Variants in PTPRN2 observed in about 807,000 individuals in gnomAD.
PTPRN2 encodes the protein protein tyrosine phosphatase receptor type N2.
A neutral mutation model predicts 118.8 loss-of-function variants in PTPRN2; 74 were observed. The ratio of observed to expected loss-of-function variants is 0.62; its 90% confidence interval spans 0.52 to 0.76. The LOEUF (loss-of-function observed/expected upper bound fraction) is 0.76, where lower values mean the gene tolerates loss of function less well. Among genes scored for constraint, PTPRN2 ranks in the 30% least tolerant of loss-of-function variants. The pLI is 0.00. For missense variants in PTPRN2, 1,481 were observed against 1,394.4 expected (o/e 1.06, Z -0.99); for synonymous variants, 641 against 608.0 (o/e 1.05, Z -0.80).
At chr7:158,188,217 A>T (rs1563576492) in intron 5 of PTPRN2, among the ~76,000 whole-genome samples, 1 of 27,654 alleles carries the variant, frequency 3.6e-5, no homozygotes, top group Non-Finnish European at 9.6e-5. Context: ...TCGCCGCCTG[A>T]TGGGGAAGGC....
chr7:158,146,577 C>T (rs1015740923), intron 6 of PTPRN2, among the ~76,000 whole-genome samples: 6 of 151,412 alleles, frequency 4.0e-5, no homozygotes, highest in Non-Finnish European at 8.8e-5. Flanking sequence ...AAAAATTAGC[C>T]AGGCGTGGTG....
rs761094792 is a variant in PTPRN2 at position 157,585,120 on chromosome 7, C to T, written c.2497-6980G>A. 2.0e-5 allele frequency among the ~76,000 whole-genome samples: 3 copies of T among 152,160 alleles called. No individual in the cohort carries two copies. The highest frequency in any genetic ancestry group is 2.9e-5 in the Non-Finnish European group (2 of 68,034). On this transcript the variant is annotated intron_variant, in intron 17 of 22. Coordinates refer to ENST00000389418, the MANE Select transcript of PTPRN2 (RefSeq NM_002847.5). This position sits in a 1 kb window ranked among gnomAD's most constrained non-coding sequence, Gnocchi z 5.2. ...GATGAGGTGACGTAGCCCACACACA[C>T]GTCAGCAGTGCTGATGGAAAGGCTG...
intron 5 of PTPRN2, among the ~76,000 whole-genome samples, chr7:158,174,520 CCATCCACAGCAG>C (rs1252605605): frequency 7.2e-5 from 11 of 152,074 alleles, no homozygotes; most frequent in African/African-American, 2.7e-4. Context: ...ATCATCCACA[CCATCCACAGCAG>C]CATCCACACC....
At chr7:158,245,209 C>T (rs1468863006) in intron 3 of PTPRN2, among the ~76,000 whole-genome samples, 1 of 48,162 alleles carries the variant, frequency 2.1e-5, no homozygotes, top group Admixed American at 1.8e-4. Flanking sequence ...CTGGAATCCA[C>T]GGTCATGCCG....
At position 157,944,703 on chromosome 7, in the gene PTPRN2, A is replaced by T. The variant is rs192984016; in HGVS notation, c.1724-45966T>A. 2.3e-3 allele frequency among the ~76,000 whole-genome samples: 349 copies of T among 152,336 alleles called. 3 individuals carry two copies. The highest frequency in any genetic ancestry group is 7.1e-4 in the Non-Finnish European group (48 of 68,026). The stretch of plus-strand genomic sequence containing the variant: ...GGGAGTTGTTTTTAGTCACCAGGCC[A>T]GTGACCACTGTCCAGCAGGTCCACG... On this transcript the variant is annotated intron_variant, in intron 11 of 22. Transcript: ENST00000389418. The surrounding 1 kb of genome is among the most constrained non-coding windows in gnomAD (Gnocchi z 4.3).
At chr7:157,961,029 C>A (rs907039510) in intron 11 of PTPRN2, among the ~76,000 whole-genome samples, 13 of 151,566 alleles carry the variant, frequency 8.6e-5, no homozygotes, top group Non-Finnish European at 1.5e-4. Flanking sequence ...AAAACAAAAC[C>A]AAAACAAAAC....
At chr7:157,592,385 G>C (rs1050894085) in intron 17 of PTPRN2, among the ~76,000 whole-genome samples, 1 of 152,256 alleles carries the variant, frequency 6.6e-6, no homozygotes, top group African/African-American at 2.4e-5. Flanking sequence ...CTTCATGTAG[G>C]ACCCAGCACC....
In PTPRN2 at chr7:157,797,734, C is replaced by T. The variant is rs118101351; in HGVS notation, c.1788+100939G>A. Among the ~76,000 whole-genome samples, 1,184 of 152,312 alleles carry T rather than the reference C, an allele frequency of 7.8e-3. 40 individuals carry two copies. The South Asian group carries it at 0.1, about 13-fold the overall frequency. On this transcript the variant is annotated intron_variant, in intron 12 of 22. Coordinates refer to ENST00000389418, the MANE Select transcript of PTPRN2 (RefSeq NM_002847.5). Reference sequence around the variant, plus strand: ...GCCCTGAGACCATGGTGAGGGGCTGCGTTGGGCCAGGCTGGGTGTGCACCT... The same window carrying T: ...GCCCTGAGACCATGGTGAGGGGCTGTGTTGGGCCAGGCTGGGTGTGCACCT...
intron 3 of PTPRN2, among the ~76,000 whole-genome samples, chr7:158,300,356 G>A (rs775597954): frequency 1.3e-5 from 2 of 152,172 alleles, no homozygotes; most frequent in African/African-American, 4.8e-5. Context: ...TGGAAGGTGG[G>A]CAGCCTCACG....
intron 12 of PTPRN2, among the ~76,000 whole-genome samples, chr7:157,748,705 G>C (rs1180976262): frequency 1.5e-4 from 17 of 115,242 alleles, no homozygotes; most frequent in East Asian, 8.5e-4. Flanking sequence ...GTGGGCTGTT[G>C]AGGTGATTCT....
chr7:158,354,731 T>C (rs1808256234), intron 2 of PTPRN2, among the ~76,000 whole-genome samples: 1 of 152,050 alleles, frequency 6.6e-6, no homozygotes, highest in Non-Finnish European at 1.5e-5. Flanking sequence ...AAGAGGGAGC[T>C]GAGTGAGAAC....
At chr7:158,043,872 A>G (rs1808652297) in intron 11 of PTPRN2, among the ~76,000 whole-genome samples, 1 of 152,222 alleles carries the variant, frequency 6.6e-6, no homozygotes, top group Non-Finnish European at 1.5e-5. Flanking sequence ...TTGGCTCAGC[A>G]TTTAGCAATT....
At chr7:158,228,590 T>C (rs1188108596) in intron 3 of PTPRN2, among the ~76,000 whole-genome samples, 1 of 151,082 alleles carries the variant, frequency 6.6e-6, no homozygotes, top group African/African-American at 2.4e-5. Flanking sequence ...ATCCCAGCAA[T>C]GGCCACACAC....
intron 12 of PTPRN2, among the ~76,000 whole-genome samples, chr7:157,773,165 G>A (rs1040561888): frequency 5.3e-5 from 8 of 152,278 alleles, no homozygotes; most frequent in East Asian, 1.9e-4. Context: ...CTAGGCACTC[G>A]CAGCAGACGG....
At chr7:158,515,830 T>G (rs1200178005) in intron 1 of PTPRN2, among the ~76,000 whole-genome samples, 1 of 152,206 alleles carries the variant, frequency 6.6e-6, no homozygotes, top group Admixed American at 6.5e-5. Context: ...CTTCATCCTC[T>G]GTCTGGTCGT....
At chr7:157,641,535 AACC>A (rs1383529137) in intron 14 of PTPRN2, among the ~76,000 whole-genome samples, 41 of 152,316 alleles carry the variant, frequency 2.7e-4, no homozygotes, top group African/African-American at 9.6e-4. Flanking sequence ...TGAGTTTTGT[AACC>A]AGCCATATTT....
chr7:157,587,711 C>A lies in PTPRN2; in HGVS notation c.2496+7527G>T, dbSNP rs573746861. 9.8e-5 allele frequency among the ~76,000 whole-genome samples: 15 copies of A among 152,342 alleles called. No homozygotes were observed. The highest frequency in any genetic ancestry group is 2.1e-4 in the Non-Finnish European group (14 of 68,026). On this transcript the variant is annotated intron_variant, in intron 17 of 22. Transcript: ENST00000389418. This position sits in a 1 kb window ranked among gnomAD's most constrained non-coding sequence, Gnocchi z 5.3. ...GAGCGCTTTGTGCTCTCTCTGGGGGCCAGGAGAGCTGTTTCGTGTCTGACT... is the reference window on the plus strand; with the variant it reads ...GAGCGCTTTGTGCTCTCTCTGGGGGACAGGAGAGCTGTTTCGTGTCTGACT...
chr7:157,844,515 G>T (rs184203518), intron 12 of PTPRN2, among the ~76,000 whole-genome samples: 8 of 152,324 alleles, frequency 5.3e-5, no homozygotes, highest in Admixed American at 4.6e-4. Context: ...CCAGGTGAGG[G>T]CCAGGAGGAG....
At chr7:158,583,428 G>T (rs1026330770) in intron 1 of PTPRN2, among the ~76,000 whole-genome samples, 15 of 152,100 alleles carry the variant, frequency 9.9e-5, no homozygotes, top group African/African-American at 3.6e-4. Context: ...CACCATCTCG[G>T]AGTAAAGCAG....
Sources: gnomAD v4.1 joint callset for allele counts (sites outside exome capture counted in the v4.1 genomes callset) on GRCh38, gnomAD v4.1.1 for gene constraint, Gnocchi (gnomAD v3.1) non-coding constraint, MANE v1.5 for transcripts, NCBI Gene and HGNC (gene_info 2026-07-23, HGNC 2026-07-21) for gene names.